The following RASA1 variants were observed in gnomAD, a reference collection of about 807,000 sequenced individuals.
RASA1 encodes the protein RAS p21 protein activator 1.
In RASA1, 25 loss-of-function variants were observed where a neutral mutation model predicts 132.2. That is an observed-to-expected ratio of 0.19 (90% CI 0.14 to 0.26). RASA1 has a LOEUF of 0.26. Among genes scored for constraint, RASA1 ranks in the 10% least tolerant of loss-of-function variants. The pLI is 1.00. For synonymous variants in RASA1, 477 were observed against 449.9 expected, an observed-to-expected ratio of 1.06 and a Z score of -0.76; for missense variants, 964 against 1,299.2, an observed-to-expected ratio of 0.74 and a Z score of 3.97.
At chr5:87,301,969 G>A (rs1755385556) in intron 1 of RASA1, among the ~76,000 whole-genome samples, 1 of 152,102 alleles carries the variant, frequency 6.6e-6, no homozygotes, top group Admixed American at 6.5e-5. Context: ...TTTAGGGTGT[G>A]TCTAGTTTGA....
intron 1 of RASA1, among the ~76,000 whole-genome samples, chr5:87,287,428 CACACCATATATAT>C (rs1183295465): frequency 4.2e-5 from 6 of 143,826 alleles, no homozygotes; most frequent in African/African-American, 1.3e-4. Context: ...ACCATATATA[CACACCATATATAT>C]ACACCATATA....
At chr5:87,368,127 T>C (rs1760660231) in intron 11 of RASA1, among the ~76,000 whole-genome samples, 1 of 151,968 alleles carries the variant, frequency 6.6e-6, no homozygotes, top group Non-Finnish European at 1.5e-5. Context: ...CTTCTTGGAG[T>C]CTGGTTAAAA....
At chr5:87,332,389 GAT>G in intron 2 of RASA1, 116 bp from the exon 3 acceptor site, 1 of 1,052,112 alleles carries the variant, frequency 9.5e-7, no homozygotes, top group Non-Finnish European at 1.4e-6. Context: ...TTAGTATAAG[GAT>G]ATAGTTACAA....
At chr5:87,275,059 G>A (rs1754006711) in intron 1 of RASA1, among the ~76,000 whole-genome samples, 1 of 152,170 alleles carries the variant, frequency 6.6e-6, no homozygotes, top group African/African-American at 2.4e-5. Flanking sequence ...AGCTAAAAAG[G>A]ACAGCCATAA....
At chr5:87,309,706 G>C (rs558973374) in intron 1 of RASA1, among the ~76,000 whole-genome samples, 10 of 151,890 alleles carry the variant, frequency 6.6e-5, no homozygotes, top group African/African-American at 2.4e-4. Context: ...ATATTTCTTT[G>C]ATTTTTGGTT....
chr5:87,331,403 G>C lies in RASA1; in HGVS notation c.595G>C (p.Gly199Arg). 1 of 1,613,536 alleles carries C rather than the reference G, an allele frequency of 6.2e-7. No homozygotes were observed. The highest frequency in any genetic ancestry group is 2.2e-5 in the East Asian group (1 of 44,842). ...TIAEERLRQA[G>R]KSGSYLIRES... ...AGCAGAAGAACGCCTCAGGCAGGCA[G>C]GGAAGTCTGGCAGTTATCTTATAAG... Residue 199 changes from glycine to arginine, a missense_variant, in exon 2 of 25, where the codon GGG becomes CGG. By Grantham distance (125) the Gly-to-Arg change is moderately radical (BLOSUM62 -2). Transcript: ENST00000274376.
At chr5:87,291,435 T>G (rs945270332) in intron 1 of RASA1, among the ~76,000 whole-genome samples, 1 of 151,936 alleles carries the variant, frequency 6.6e-6, no homozygotes, top group Non-Finnish European at 1.5e-5. Context: ...GGAGACCGAG[T>G]GGGGAGGATC....
In RASA1 at chr5:87,349,275, T is replaced by A. The variant is rs761904245; in HGVS notation, c.1164T>A (p.Leu388=). ...ATAATACTCCTGGCGATTATTCACT[T>A]TATTTCCGGACCAATGAAAATATTC... ...PSDNTPGDYS[L]YFRTNENIQR... The change falls in exon 8 of 25, where the codon CTT becomes CTA. Residue 388 remains leucine (L), a synonymous_variant. Coordinates refer to ENST00000274376, the MANE Select transcript of RASA1 (RefSeq NM_002890.3). 1 of 1,612,270 alleles carries A rather than the reference T, an allele frequency of 6.2e-7. No homozygotes were observed. The highest frequency in any genetic ancestry group is 1.7e-5 in the Admixed American group (1 of 59,840).
intron 13 of RASA1, among the ~76,000 whole-genome samples, chr5:87,372,681 C>G (rs994708524): frequency 6.6e-6 from 1 of 152,060 alleles, no homozygotes; most frequent in East Asian, 1.9e-4. Flanking sequence ...TTAAGCTAGG[C>G]TTTCTCTTTT....
intron 1 of RASA1, among the ~76,000 whole-genome samples, chr5:87,310,108 C>G (rs928806929): frequency 2.6e-5 from 4 of 152,058 alleles, no homozygotes; most frequent in Admixed American, 6.5e-5. Flanking sequence ...TAATGTCAAG[C>G]AGTTTGTTGC....
intron 1 of RASA1, among the ~76,000 whole-genome samples, chr5:87,290,765 T>G (rs2112267077): frequency 6.6e-6 from 1 of 152,334 alleles, no homozygotes; most frequent in South Asian, 2.1e-4. Context: ...CACATTGGCT[T>G]CTTTCACTAA....
chr5:87,286,870 CATAT>C, intron 1 of RASA1, among the ~76,000 whole-genome samples: 1 of 149,080 alleles, frequency 6.7e-6, no homozygotes, highest in Admixed American at 6.7e-5. Flanking sequence ...ACATATACAC[CATAT>C]ATATATACAC....
At chr5:87,286,807 C>T (rs529304197) in intron 1 of RASA1, among the ~76,000 whole-genome samples, 6 of 150,412 alleles carry the variant, frequency 4.0e-5, no homozygotes, top group African/African-American at 1.2e-4. Flanking sequence ...TATGCATAAA[C>T]GTATACACAC....
chr5:87,346,755 TCTATTTAAAGAGAATAAA>T lies in RASA1; in HGVS notation c.1102+32_1102+49del, dbSNP rs1758893180. The T allele has an allele frequency of 2.1e-6, 3 of 1,460,112 alleles. No individual in the cohort carries two copies. In the African/African-American group the frequency reaches 4.2e-5, roughly 20 times the overall value. The allele number at this position is 1,460,112 out of a possible 1,614,324, so 90.4% of individuals were successfully genotyped here. A position where few individuals can be genotyped will look rare whatever the true frequency, so the allele number is the denominator to read the frequency against. On this transcript the variant is annotated intron_variant, in intron 7 of 24. Transcript: ENST00000274376. ...TACATATTTACTTGCTTTTCTAATG[TCTATTTAAAGAGAATAAA>T]AAAGTGAACAAACCATTTATCATGT...
intron 8 of RASA1, 99 bp downstream of exon 8, chr5:87,349,463 C>CT (rs1430036895): frequency 7.2e-7 from 1 of 1,381,212 alleles, no homozygotes; most frequent in Non-Finnish European, 9.9e-7. Flanking sequence ...AAGTTTCTAA[C>CT]TTCTAAAAAT....
At chr5:87,290,254 A>G (rs1754857176) in intron 1 of RASA1, among the ~76,000 whole-genome samples, 1 of 152,234 alleles carries the variant, frequency 6.6e-6, no homozygotes, top group African/African-American at 2.4e-5. Flanking sequence ...GGTGGTGTAT[A>G]AGGGACAGGA....
At chr5:87,311,946 A>G (rs1050517467) in intron 1 of RASA1, among the ~76,000 whole-genome samples, 1 of 152,234 alleles carries the variant, frequency 6.6e-6, no homozygotes, top group African/African-American at 2.4e-5. Context: ...GGAATATCCA[A>G]GGTGTGGACA....
chr5:87,296,421 G>A (rs887608478), intron 1 of RASA1, among the ~76,000 whole-genome samples: 8 of 152,032 alleles, frequency 5.3e-5, no homozygotes, highest in African/African-American at 1.9e-4. Flanking sequence ...GTTCTCTCAT[G>A]TTCTTCCTGA....
At position 87,368,731 on chromosome 5, in the gene RASA1, T is replaced by A. The variant is rs142057791; in HGVS notation, c.1611-1082T>A. ...TAATTTTTTAGCCTTTTAGGAACTA[T>A]TTTCTGCTTAGCGTCTCAGCTACAC... On this transcript the variant is annotated intron_variant, in intron 11 of 24. Transcript: ENST00000274376. Among the ~76,000 whole-genome samples the A allele has an allele frequency of 2.6e-5, 4 of 152,160 alleles. No individual in the cohort carries two copies. The East Asian group carries it at 7.7e-4, about 29-fold the overall frequency.
Sources: allele counts gnomAD v4.1 joint callset (sites outside exome capture counted in the v4.1 genomes callset), GRCh38; gene constraint gnomAD v4.1.1; transcripts MANE v1.5; gene names NCBI Gene and HGNC (gene_info 2026-07-23, HGNC 2026-07-21).